Variants in RANBP17 observed in about 807,000 individuals in gnomAD.
RANBP17 encodes the protein RAN binding protein 17.
RANBP17 carries 158 observed loss-of-function variants against 141.2 expected under a neutral mutation model. The ratio of observed to expected loss-of-function variants is 1.12; its 90% CI spans 0.98 to 1.28. RANBP17 has a LOEUF of 1.28. Ranked by LOEUF, RANBP17 falls within the 50% of genes most tolerant of loss-of-function variation. RANBP17 has a pLI of 0.00. For synonymous variants in RANBP17, 430 were observed against 450.0 expected (o/e 0.96, Z 0.56); for missense variants, 1,438 against 1,290.7 (o/e 1.11, Z -1.75).
intron 14 of RANBP17, among the ~76,000 whole-genome samples, chr5:171,051,279 T>C (rs989770065): frequency 5.3e-5 from 8 of 152,180 alleles, no homozygotes; most frequent in African/African-American, 1.9e-4. Context: ...ATTGAGTGTT[T>C]TTGAATATAC....
chr5:171,190,285 G>C lies in RANBP17; in HGVS notation c.2038+6855G>C, dbSNP rs546498638. Among the ~76,000 whole-genome samples, 12 of 152,290 alleles carry C rather than the reference G, an allele frequency of 7.9e-5. No homozygotes were observed. The South Asian group carries it at 2.5e-3, about 32-fold the overall frequency. On this transcript the variant is annotated intron_variant, in intron 18 of 27. Coordinates refer to ENST00000523189, the MANE Select transcript of RANBP17 (RefSeq NM_022897.5). Reference sequence around the variant, plus strand: ...TTGTATGAATTTAATTAGATGCTATGTGCCCCAGGTTGTATTTCAGATGAA... The same window carrying C: ...TTGTATGAATTTAATTAGATGCTATCTGCCCCAGGTTGTATTTCAGATGAA...
intron 24 of RANBP17, among the ~76,000 whole-genome samples, chr5:171,263,396 T>TC (rs1329399991): frequency 6.6e-6 from 1 of 152,234 alleles, no homozygotes; most frequent in Admixed American, 6.5e-5. Context: ...ACCATGGACT[T>TC]CTGATAAGCA....
intron 12 of RANBP17, among the ~76,000 whole-genome samples, chr5:170,950,414 G>A (rs553573298): frequency 6.6e-6 from 1 of 151,984 alleles, no homozygotes. Flanking sequence ...CAAATAAGTG[G>A]CAGTCAAATG....
intron 14 of RANBP17, among the ~76,000 whole-genome samples, chr5:171,100,098 T>C (rs936067226): frequency 6.6e-6 from 1 of 152,242 alleles, no homozygotes; most frequent in Non-Finnish European, 1.5e-5. Context: ...GGTTTTGGTA[T>C]CAGGATGATG....
chr5:171,219,165 G>A (rs1245852974), intron 21 of RANBP17, among the ~76,000 whole-genome samples: 1 of 152,142 alleles, frequency 6.6e-6, no homozygotes, highest in Non-Finnish European at 1.5e-5. Context: ...AGTTTGGCTG[G>A]ATATGAAATT....
intron 14 of RANBP17, among the ~76,000 whole-genome samples, chr5:171,098,810 T>C (rs1373335383): frequency 1.3e-5 from 2 of 152,206 alleles, no homozygotes; most frequent in Admixed American, 6.5e-5. Context: ...GAGTTAATTT[T>C]TGTATAAGGT....
chr5:171,232,483 T>G lies in RANBP17; in HGVS notation c.2423-8445T>G, dbSNP rs72827588. 9.8e-3 allele frequency among the ~76,000 whole-genome samples: 1,496 copies of G among 152,258 alleles called. 8 individuals carry two copies. Among genetic ancestry groups the G allele is most frequent in the South Asian group, 0.018 (86 of 4,830 alleles). On this transcript the variant is annotated intron_variant, in intron 22 of 27. Transcript: ENST00000523189. ...CTTTCTCATCTTTTTTCATGCAAAA[T>G]AATTTCTTTTCTTTTTTTTCTTTTC...
intron 14 of RANBP17, among the ~76,000 whole-genome samples, chr5:171,136,126 C>T (rs1561690777): frequency 1.3e-5 from 2 of 152,202 alleles, no homozygotes; most frequent in Non-Finnish European, 2.9e-5. Context: ...TAATTTCTCT[C>T]ATTAAGATCA....
intron 1 of RANBP17, among the ~76,000 whole-genome samples, chr5:170,864,506 A>G (rs1448976483): frequency 6.6e-6 from 1 of 152,214 alleles, no homozygotes; most frequent in African/African-American, 2.4e-5. Context: ...AAGCAGTTGC[A>G]TTCTGGTTAG....
intron 14 of RANBP17, among the ~76,000 whole-genome samples, chr5:171,003,739 T>C (rs1053943836): frequency 3.3e-5 from 5 of 152,108 alleles, no homozygotes; most frequent in Non-Finnish European, 5.9e-5. Flanking sequence ...GCTGAAGTAA[T>C]GAGGGCTGTC....
chr5:171,029,094 G>C (rs985113435), intron 14 of RANBP17: 7 of 284,774 alleles, frequency 2.5e-5, no homozygotes, highest in Non-Finnish European at 3.9e-5. Flanking sequence ...TTTTTTAAAA[G>C]TTTCCTAGTC....
rs1771701437 is a variant in RANBP17 at position 170,913,543 on chromosome 5, CAT to C, written c.761-622_761-621del. On this transcript the variant is annotated intron_variant, in intron 7 of 27. Transcript: ENST00000523189. ...ACAGCTCAGCCGTTAATATTATTTACATAGTCATAATAAATGTAAACACATAG... is the reference window on the plus strand; with the variant it reads ...ACAGCTCAGCCGTTAATATTATTTACAGTCATAATAAATGTAAACACATAG... 2.0e-5 allele frequency among the ~76,000 whole-genome samples: 3 copies of C among 152,002 alleles called. No homozygotes were observed. The South Asian group carries it at 6.2e-4, about 31-fold the overall frequency.
At chr5:171,199,319 A>G (rs1246531181) in intron 18 of RANBP17, among the ~76,000 whole-genome samples, 1 of 152,112 alleles carries the variant, frequency 6.6e-6, no homozygotes, top group Non-Finnish European at 1.5e-5. Flanking sequence ...GAAAAAAAAA[A>G]CACTGCGTCT....
intron 12 of RANBP17, among the ~76,000 whole-genome samples, chr5:170,925,815 C>T (rs1428295781): frequency 6.6e-6 from 1 of 152,092 alleles, no homozygotes; most frequent in Non-Finnish European, 1.5e-5. Flanking sequence ...TCTTTGACAA[C>T]TTTATTATCA....
chr5:170,928,770 CTT>C (rs34100963), intron 12 of RANBP17, among the ~76,000 whole-genome samples: 28 of 146,626 alleles, frequency 1.9e-4, no homozygotes, highest in Middle Eastern at 3.4e-3. Context: ...ATTATTTAAC[CTT>C]TTTTTTTTTT....
rs1210098654 is a variant in RANBP17 at position 171,266,621 on chromosome 5, AAAG to A, written c.2943+779_2943+781del. ...AACATAGCAAGACCCCATCTCTAAAAAAGAAGATTTAGGCCAGGCACGGTGGTC... is the reference window on the plus strand; with the variant it reads ...AACATAGCAAGACCCCATCTCTAAAAAAGATTTAGGCCAGGCACGGTGGTC... On this transcript the variant is annotated intron_variant, in intron 25 of 27. Transcript: ENST00000523189. Among the ~76,000 whole-genome samples, 7 of 152,256 alleles carry A rather than the reference AAAG, an allele frequency of 4.6e-5. No homozygotes were observed. In the South Asian group the frequency reaches 1.0e-3, roughly 23 times the overall value.
chr5:170,937,212 G>T (rs1257994636), intron 12 of RANBP17, among the ~76,000 whole-genome samples: 1 of 151,176 alleles, frequency 6.6e-6, no homozygotes, highest in South Asian at 2.1e-4. Flanking sequence ...CTGGTAGTCT[G>T]TATGTAGTCC....
chr5:170,928,923 T>A (rs1039204054), intron 12 of RANBP17, among the ~76,000 whole-genome samples: 7 of 152,102 alleles, frequency 4.6e-5, no homozygotes, highest in Non-Finnish European at 8.8e-5. Flanking sequence ...GTTAACAACA[T>A]TGAGGCCTGC....
At chr5:171,235,322 C>CTT (rs554291422) in intron 22 of RANBP17, among the ~76,000 whole-genome samples, 5 of 132,458 alleles carry the variant, frequency 3.8e-5, no homozygotes, top group African/African-American at 5.6e-5. Context: ...TTGCATGTGT[C>CTT]TTTTTTTTTT....
Sources: gnomAD v4.1 joint callset for allele counts (sites outside exome capture counted in the v4.1 genomes callset) on GRCh38, gnomAD v4.1.1 for gene constraint, MANE v1.5 for transcripts, NCBI Gene and HGNC (gene_info 2026-07-23, HGNC 2026-07-21) for gene names.